Variants in DYRK1A observed in about 807,000 individuals in gnomAD.
DYRK1A encodes dual specificity tyrosine-phosphorylation-regulated kinase 1A.
In DYRK1A, 9 loss-of-function variants were observed where a neutral mutation model predicts 79.7. The observed-to-expected ratio is 0.11, with a 90% CI of 0.07 to 0.20. The LOEUF is 0.20. DYRK1A is among the 10% of genes least tolerant of loss of function. The pLI, the probability that DYRK1A is intolerant of heterozygous loss-of-function variation, is 1.00. For synonymous variants in DYRK1A, 349 were observed against 329.7 expected, an observed-to-expected ratio of 1.06 and a Z score of -0.63; for missense variants, 622 against 956.0, an observed-to-expected ratio of 0.65 and a Z score of 4.61.
chr21:37,507,265 C>A (rs117420684), intron 11 of DYRK1A, among the ~76,000 whole-genome samples: 1 of 152,112 alleles, frequency 6.6e-6, no homozygotes, highest in African/African-American at 2.4e-5. Flanking sequence ...TTGCCCTGAT[C>A]CCCTCTCTCC....
intron 6 of DYRK1A, chr21:37,486,986 T>C (rs996941390): frequency 3.9e-5 from 6 of 155,640 alleles, no homozygotes. Flanking sequence ...TAGTATGTTC[T>C]TAGTGGTTGT....
At chr21:37,420,714 C>G (rs2050451807) in intron 2 of DYRK1A, among the ~76,000 whole-genome samples, 1 of 152,098 alleles carries the variant, frequency 6.6e-6, no homozygotes, top group Admixed American at 6.6e-5. Context: ...TCCCCCAGAA[C>G]TCTATTAGAA....
At chr21:37,510,788 C>G (rs189297218) in intron 11 of DYRK1A, among the ~76,000 whole-genome samples, 1 of 152,076 alleles carries the variant, frequency 6.6e-6, no homozygotes, top group East Asian at 1.9e-4. Flanking sequence ...GAGGTATTAT[C>G]TTGTGTGCCA....
At chr21:37,411,019 AG>A (rs1430997169) in intron 1 of DYRK1A, among the ~76,000 whole-genome samples, 1 of 134,642 alleles carries the variant, frequency 7.4e-6, no homozygotes, top group Non-Finnish European at 1.5e-5. Context: ...ACTGCACTCC[AG>A]CCTGGGCGAC....
At chr21:37,470,010 G>A (rs2052168127) in intron 2 of DYRK1A, among the ~76,000 whole-genome samples, 1 of 152,176 alleles carries the variant, frequency 6.6e-6, no homozygotes, top group African/African-American at 2.4e-5. Flanking sequence ...CCAGCGTGGT[G>A]GTGGGCACCT....
At chr21:37,391,077 GT>G (rs372544756) in intron 1 of DYRK1A, among the ~76,000 whole-genome samples, 31 of 152,306 alleles carry the variant, frequency 2.0e-4, no homozygotes, top group African/African-American at 6.7e-4. Flanking sequence ...ATTATTAAAA[GT>G]TTCTTTTATG....
At chr21:37,446,581 C>T (rs73218438) in intron 2 of DYRK1A, among the ~76,000 whole-genome samples, 2 of 144,796 alleles carry the variant, frequency 1.4e-5, no homozygotes, top group Non-Finnish European at 3.0e-5. Flanking sequence ...GTTTGAAATT[C>T]TTTTTTTTTT....
chr21:37,412,264 T>G (rs185499362), intron 1 of DYRK1A, among the ~76,000 whole-genome samples: 42 of 152,290 alleles, frequency 2.8e-4, no homozygotes, highest in Non-Finnish European at 4.7e-4. Flanking sequence ...TTCAGAGGAA[T>G]AAGATAAGAT....
chr21:37,441,485 T>C (rs2051102011), intron 2 of DYRK1A, among the ~76,000 whole-genome samples: 1 of 152,152 alleles, frequency 6.6e-6, no homozygotes, highest in Non-Finnish European at 1.5e-5. Flanking sequence ...TACCGTCTTT[T>C]ATTCTGCTTT....
At chr21:37,481,745 C>T (rs2052649146) in intron 5 of DYRK1A, 1 of 152,060 alleles carries the variant, frequency 6.6e-6, no homozygotes, top group African/African-American at 2.4e-5. Context: ...GTGACTCACA[C>T]CTATAATCCC....
At chr21:37,476,147 C>T (rs765429629) in intron 3 of DYRK1A, among the ~76,000 whole-genome samples, 1 of 152,106 alleles carries the variant, frequency 6.6e-6, no homozygotes, top group African/African-American at 2.4e-5. Flanking sequence ...AGCTGCACTA[C>T]GATAATATTT....
chr21:37,496,305 T>C, intron 9 of DYRK1A, 47 bp downstream of exon 9: 1 of 1,560,102 alleles, frequency 6.4e-7, no homozygotes, highest in Non-Finnish European at 8.7e-7. Context: ...AATTTCTTTA[T>C]CATACCTGTC....
intron 1 of DYRK1A, among the ~76,000 whole-genome samples, chr21:37,382,534 T>C (rs765946070): frequency 1.3e-5 from 2 of 152,188 alleles, no homozygotes; most frequent in South Asian, 2.1e-4. Flanking sequence ...TCTGGTAACA[T>C]AGGGAGTGTG....
chr21:37,476,688 T>TA (rs2052403191), intron 3 of DYRK1A, among the ~76,000 whole-genome samples: 1 of 152,242 alleles, frequency 6.6e-6, no homozygotes, highest in Admixed American at 6.5e-5. Flanking sequence ...AGGAATAGTA[T>TA]AAAAATATTC....
intron 2 of DYRK1A, among the ~76,000 whole-genome samples, chr21:37,429,337 G>A (rs898102947): frequency 1.3e-5 from 2 of 152,152 alleles, no homozygotes; most frequent in Admixed American, 6.5e-5. Context: ...GTATTAGTCT[G>A]TTCTTGCACT....
chr21:37,370,041 C>T (rs2049399662), intron 1 of DYRK1A, among the ~76,000 whole-genome samples: 1 of 152,094 alleles, frequency 6.6e-6, no homozygotes, highest in Non-Finnish European at 1.5e-5. Flanking sequence ...CTGATGTTTG[C>T]TCCTTCGTGT....
At chr21:37,369,288 A>G (rs1231952041) in intron 1 of DYRK1A, among the ~76,000 whole-genome samples, 1 of 152,156 alleles carries the variant, frequency 6.6e-6, no homozygotes, top group African/African-American at 2.4e-5. Flanking sequence ...TTACTTTAGG[A>G]TAATATTGTT....
intron 1 of DYRK1A, among the ~76,000 whole-genome samples, chr21:37,370,903 G>T (rs2049416248): frequency 6.6e-6 from 1 of 152,168 alleles, no homozygotes; most frequent in African/African-American, 2.4e-5. Flanking sequence ...TGTGTGACCA[G>T]TGTAATAGCA....
Position 37,493,137 on chromosome 21 carries a change from G to C in DYRK1A, c.1045G>C (p.Glu349Gln). The C allele has an allele frequency of 6.2e-7, 1 of 1,613,190 alleles. No homozygotes were observed. Among genetic ancestry groups the C allele is most frequent in the Non-Finnish European group, 8.5e-7 (1 of 1,179,316 alleles). Residue 349 changes from glutamate (E) to glutamine (Q), a missense_variant, in exon 8 of 12, where the codon GAA (glutamate) becomes CAA (glutamine). Transcript: ENST00000647188. ...TATTTTGGTTGAAATGCACACTGGA[G>C]AACCTCTGTTCAGTGGTGCCAATGA... is the stretch of plus-strand genomic sequence containing the variant. ...GCILVEMHTGEPLFSGANEVD... is the reference protein window; with the variant it reads ...GCILVEMHTGQPLFSGANEVD...
Sources: gnomAD v4.1 joint callset for allele counts (sites outside exome capture counted in the v4.1 genomes callset) on GRCh38, gnomAD v4.1.1 for gene constraint, MANE v1.5 for transcripts, NCBI Gene and HGNC (gene_info 2026-07-23, HGNC 2026-07-21) for gene names.